CTNND2: variants seen among roughly 807,000 people sequenced by gnomAD.
CTNND2 encodes the protein catenin delta 2, also known as catenin delta-2.
Under a neutral mutation model 144.4 loss-of-function variants are expected in CTNND2, and 22 were observed. The ratio of observed to expected loss-of-function variants is 0.15; its 90% CI spans 0.11 to 0.22. The LOEUF is 0.22. CTNND2 is among the 10% of genes least tolerant of loss of function. The pLI is 1.00. For missense variants in CTNND2, 1,353 were observed against 1,618.8 expected, an observed-to-expected ratio of 0.84 and a Z score of 2.82; for synonymous variants, 751 against 695.6, an observed-to-expected ratio of 1.08 and a Z score of -1.25.
In CTNND2 at chr5:11,069,706, AAGAGACAG is replaced by A. The variant is rs948113225; in HGVS notation, c.2788+12982_2788+12989del. ...GAGACAGAGAGACAGAGAGAGAGAGAAGAGACAGAGAGACAGAGAAAGAGATCTTATAT... is the reference window on the plus strand; with the variant it reads ...GAGACAGAGAGACAGAGAGAGAGAGAAGAGACAGAGAAAGAGATCTTATAT... On this transcript the variant is annotated intron_variant, in intron 16 of 21. Coordinates refer to ENST00000304623, the MANE Select transcript of CTNND2 (RefSeq NM_001332.4). Among the ~76,000 whole-genome samples the A allele has an allele frequency of 7.6e-5, 11 of 144,860 alleles. No individual in the cohort carries two copies. The South Asian group carries it at 1.7e-3, about 22-fold the overall frequency.
intron 3 of CTNND2, among the ~76,000 whole-genome samples, chr5:11,469,943 G>T (rs936070669): frequency 6.6e-6 from 1 of 152,012 alleles, no homozygotes; most frequent in Admixed American, 6.6e-5. Flanking sequence ...GCCTCCTCTG[G>T]CCTGGTCTGA....
chr5:11,584,758 A>T (rs1346957841), intron 2 of CTNND2, among the ~76,000 whole-genome samples: 1 of 152,144 alleles, frequency 6.6e-6, no homozygotes, highest in Non-Finnish European at 1.5e-5. Context: ...AAATAATATC[A>T]CCATGCACAT....
chr5:11,174,865 G>A (rs1314135583), intron 11 of CTNND2, among the ~76,000 whole-genome samples: 1 of 152,206 alleles, frequency 6.6e-6, no homozygotes, highest in African/African-American at 2.4e-5. Context: ...TTTAGAAAAA[G>A]TGACAATCTT....
chr5:11,680,169 G>A (rs2126625557), intron 2 of CTNND2, among the ~76,000 whole-genome samples: 1 of 152,264 alleles, frequency 6.6e-6, no homozygotes, highest in Non-Finnish European at 1.5e-5. Flanking sequence ...TGAGAAACAG[G>A]GAGAAGGCCA....
intron 1 of CTNND2, among the ~76,000 whole-genome samples, chr5:11,817,507 A>C (rs1453124280): frequency 6.7e-6 from 1 of 148,612 alleles, no homozygotes; most frequent in Admixed American, 6.7e-5. Flanking sequence ...TCAGCATAGC[A>C]CCAACACAAC....
At chr5:11,179,865 C>T (rs187966008) in intron 11 of CTNND2, among the ~76,000 whole-genome samples, 5 of 152,282 alleles carry the variant, frequency 3.3e-5, no homozygotes, top group Non-Finnish European at 4.4e-5. Flanking sequence ...TTACATTAAC[C>T]TTTTAATATT....
At chr5:11,710,991 G>A (rs1267912556) in intron 2 of CTNND2, among the ~76,000 whole-genome samples, 4 of 152,102 alleles carry the variant, frequency 2.6e-5, no homozygotes, top group Admixed American at 1.3e-4. Flanking sequence ...TTTCCTTCCA[G>A]TGTGTTCTTA....
At chr5:11,499,036 A>G (rs995608150) in intron 3 of CTNND2, among the ~76,000 whole-genome samples, 6 of 152,180 alleles carry the variant, frequency 3.9e-5, no homozygotes, top group Non-Finnish European at 8.8e-5. Flanking sequence ...GTGTTTTAAA[A>G]ATAGGACAAT....
chr5:11,888,740 G>A (rs74815089), intron 1 of CTNND2, among the ~76,000 whole-genome samples: 1 of 148,534 alleles, frequency 6.7e-6, no homozygotes, highest in Non-Finnish European at 1.5e-5. Flanking sequence ...CAAGTTCTCA[G>A]AATGACTCTT....
rs569671779 is a variant in CTNND2, at chr5:11,113,384, C to T, written c.2278-2341G>A. On this transcript the variant is annotated intron_variant, in intron 13 of 21. Coordinates refer to ENST00000304623, the MANE Select transcript of CTNND2 (RefSeq NM_001332.4). The stretch of plus-strand genomic sequence containing the variant: ...TGTTTTCCTGGAGGACACCCAGGCC[C>T]ATTTGTTTATGAATGGTCTGTAGCT... 3.4e-4 allele frequency among the ~76,000 whole-genome samples: 51 copies of T among 152,208 alleles called. No homozygotes were observed. The East Asian group carries it at 8.5e-3, about 25-fold the overall frequency.
At chr5:11,203,829 T>C (rs562872106) in intron 10 of CTNND2, among the ~76,000 whole-genome samples, 2 of 152,234 alleles carry the variant, frequency 1.3e-5, no homozygotes, top group African/African-American at 2.4e-5. Context: ...ATGGAAACAA[T>C]GAATGTTGAA....
chr5:11,874,301 G>A (rs1255063800), intron 1 of CTNND2, among the ~76,000 whole-genome samples: 1 of 152,142 alleles, frequency 6.6e-6, no homozygotes, highest in Non-Finnish European at 1.5e-5. Context: ...AGTCTGAGGG[G>A]AATATGTGCC....
At chr5:11,848,770 C>T (rs1233529041) in intron 1 of CTNND2, among the ~76,000 whole-genome samples, 1 of 152,106 alleles carries the variant, frequency 6.6e-6, no homozygotes, top group African/African-American at 2.4e-5. Flanking sequence ...TCATGTGAGT[C>T]AAATCCTGAC....
chr5:11,159,794 C>T, intron 11 of CTNND2, 35 bp from the exon 12 acceptor site: 1 of 1,501,172 alleles, frequency 6.7e-7, no homozygotes, highest in Non-Finnish European at 8.9e-7. Flanking sequence ...TTTTGGGTGG[C>T]CACAAGTTTT....
At chr5:11,769,055 C>A (rs1459681327) in intron 1 of CTNND2, among the ~76,000 whole-genome samples, 1 of 152,170 alleles carries the variant, frequency 6.6e-6, no homozygotes, top group Non-Finnish European at 1.5e-5. Context: ...GGTTCTCAAA[C>A]TTCAATATGC....
intron 7 of CTNND2, among the ~76,000 whole-genome samples, chr5:11,372,898 A>G (rs1448597857): frequency 6.6e-6 from 1 of 152,234 alleles, no homozygotes. Flanking sequence ...AGCCCCGGAG[A>G]CAGACCATCA....
chr5:11,013,721 A>T (rs1741324478), intron 18 of CTNND2, among the ~76,000 whole-genome samples: 1 of 152,204 alleles, frequency 6.6e-6, no homozygotes, highest in Non-Finnish European at 1.5e-5. Flanking sequence ...GCCATTTGGG[A>T]AGAAAATGAC....
chr5:11,081,808 A>G (rs1749603871), intron 16 of CTNND2, among the ~76,000 whole-genome samples: 1 of 152,184 alleles, frequency 6.6e-6, no homozygotes, highest in Admixed American at 6.5e-5. Flanking sequence ...GAGCAGATTG[A>G]TGGTTGCCAG....
Position 11,036,462 on chromosome 5 carries a change from C to G in CTNND2, c.2789-13483G>C, listed in dbSNP as rs574420723. 1.6e-3 allele frequency among the ~76,000 whole-genome samples: 243 copies of G among 152,136 alleles called. 2 individuals carry two copies. Among genetic ancestry groups the G allele is most frequent in the African/African-American group, 5.8e-3 (240 of 41,490 alleles). ...TTGGACAGAGTTTCACTCTTGTTAC[C>G]CAGGCTGGAGTGCAATGGCACGATC... On this transcript the variant is annotated intron_variant, in intron 16 of 21. Coordinates refer to ENST00000304623, the MANE Select transcript of CTNND2 (RefSeq NM_001332.4).
Sources: allele counts gnomAD v4.1 joint callset (sites outside exome capture counted in the v4.1 genomes callset), GRCh38; gene constraint gnomAD v4.1.1; transcripts MANE v1.5; gene names NCBI Gene and HGNC (gene_info 2026-07-23, HGNC 2026-07-21).